Variants in CCDC150 observed in about 807,000 individuals in gnomAD.
CCDC150 encodes coiled-coil domain containing 150.
A neutral mutation model predicts 156.5 loss-of-function variants in CCDC150; 151 were observed. That is an observed-to-expected ratio of 0.97 (90% CI 0.85 to 1.10). The LOEUF (loss-of-function observed/expected upper bound fraction) is 1.10. CCDC150 is among the 50% of genes least tolerant of loss of function. The probability of loss-of-function intolerance (pLI) is 0.00; values close to 1 mark genes in which losing one functional copy is unlikely to be tolerated. For synonymous variants in CCDC150, 452 were observed against 429.4 expected (o/e 1.05, Z -0.65); for missense variants, 1,312 against 1,268.1 (o/e 1.03, Z -0.53).
chr2:196,710,700 G>A (rs1279784671), intron 15 of CCDC150, among the ~76,000 whole-genome samples: 2 of 152,192 alleles, frequency 1.3e-5, no homozygotes, highest in African/African-American at 2.4e-5. Context: ...AGTTACATGT[G>A]TTAACATGGA....
At chr2:196,667,064 CCTTATTTG>C (rs1693891497) in intron 7 of CCDC150, 1 of 549,094 alleles carries the variant, frequency 1.8e-6, no homozygotes, top group East Asian at 3.0e-5. Context: ...GTAAACTATT[CCTTATTTG>C]TTTTTTTCCA....
chr2:196,648,168 C>G (rs1156381738), intron 2 of CCDC150, among the ~76,000 whole-genome samples: 1 of 152,136 alleles, frequency 6.6e-6, no homozygotes, highest in Non-Finnish European at 1.5e-5. Context: ...AGTGGGATTG[C>G]TGGATCCTAT....
chr2:196,640,348 A>G (rs1182244790), intron 1 of CCDC150, among the ~76,000 whole-genome samples: 1 of 152,206 alleles, frequency 6.6e-6, no homozygotes, highest in Non-Finnish European at 1.5e-5. Context: ...AGAAGTTCGT[A>G]TTAGTCCGTC....
chr2:196,715,763 G>C (rs1697457009), intron 17 of CCDC150, among the ~76,000 whole-genome samples: 1 of 152,064 alleles, frequency 6.6e-6, no homozygotes, highest in African/African-American at 2.4e-5. Context: ...ACTTTTAGAA[G>C]AAAACATAGG....
chr2:196,660,224 T>C lies in CCDC150; in HGVS notation c.645+1364T>C, dbSNP rs112188294. Among the ~76,000 whole-genome samples, 6 of 152,350 alleles carry C rather than the reference T, an allele frequency of 3.9e-5. No individual in the cohort carries two copies. The South Asian group carries it at 8.3e-4, about 21-fold the overall frequency. On this transcript the variant is annotated intron_variant, in intron 5 of 27. Transcript: ENST00000389175. ...ATCCATTCACCTATTGAAGGACATA[T>C]TGGTTGCTTCCAATTTTTGGCAATT...
At position 196,730,043 on chromosome 2, in the gene CCDC150, A is replaced by G. The variant is rs753631821; in HGVS notation, c.2907A>G (p.Ser969=). The change falls in exon 25 of 28, where the codon TCA becomes TCG. Residue 969 remains serine (S), a synonymous_variant. Coordinates refer to ENST00000389175, the MANE Select transcript of CCDC150 (RefSeq NM_001080539.2). ...QMLAKSQYDA[S]VRNKQQELHL... is the part of the protein sequence containing the mutation. ...TGGCTAAGAGCCAATATGATGCCTC[A>G]GTGCGGAATAAACAGCAAGAGCTGC... 32 of 1,613,770 alleles carry G rather than the reference A, an allele frequency of 2.0e-5. No individual in the cohort carries two copies. The South Asian group carries it at 3.4e-4, about 17-fold the overall frequency.
intron 21 of CCDC150, among the ~76,000 whole-genome samples, chr2:196,722,039 G>C (rs1160002325): frequency 6.6e-6 from 1 of 152,140 alleles, no homozygotes; most frequent in South Asian, 2.1e-4. Flanking sequence ...TTTAAAGGCA[G>C]ATTTAGACAA....
chr2:196,719,958 A>T (rs1436148894), intron 19 of CCDC150, among the ~76,000 whole-genome samples: 1 of 152,184 alleles, frequency 6.6e-6, no homozygotes, highest in Non-Finnish European at 1.5e-5. Flanking sequence ...GCACCATGTA[A>T]ACCTAATTCT....
At chr2:196,672,289 G>C (rs959391811) in intron 8 of CCDC150, 56 bp from the exon 9 acceptor site, 1 of 784,652 alleles carries the variant, frequency 1.3e-6, no homozygotes, top group African/African-American at 1.8e-5. Context: ...TATTTTTATA[G>C]GGGTGCACAT....
At chr2:196,697,314 G>C (rs1218171108) in intron 14 of CCDC150, among the ~76,000 whole-genome samples, 1 of 151,394 alleles carries the variant, frequency 6.6e-6, no homozygotes, top group African/African-American at 2.4e-5. Flanking sequence ...TTTTGTTGTT[G>C]TTGTTTTTTG....
chr2:196,644,114 A>T (rs1353752174), intron 1 of CCDC150, among the ~76,000 whole-genome samples: 4 of 152,112 alleles, frequency 2.6e-5, no homozygotes, highest in African/African-American at 9.7e-5. Flanking sequence ...TTTAATCTAG[A>T]AAAACAAAAG....
intron 13 of CCDC150, among the ~76,000 whole-genome samples, chr2:196,687,598 T>C (rs540966785): frequency 2.6e-4 from 40 of 152,310 alleles, no homozygotes; most frequent in African/African-American, 9.6e-4. Context: ...AGCTCTTTAG[T>C]TTAATTAGAT....
Position 196,729,962 on chromosome 2 carries a change from G to T in CCDC150, c.2826G>T (p.Leu942Phe). 6.2e-7 allele frequency: 1 copy of T among 1,611,766 alleles called. No individual in the cohort carries two copies. The highest frequency in any genetic ancestry group is 8.5e-7 in the Non-Finnish European group (1 of 1,179,170). ...QYQKKNYEQS[L>F]SIQRFVCEMT... is the part of the protein sequence containing the mutation. ...CTGTCTTTGTATCCTTCCAGTCTTT[G>T]AGTATCCAGAGATTTGTGTGTGAAA... The change falls in exon 25 of 28, where the codon TTG (leucine) becomes TTT (phenylalanine). Residue 942 changes from leucine to phenylalanine, a missense_variant. Physicochemically the swap from Leu to Phe is conservative, Grantham distance 22. Transcript: ENST00000389175.
chr2:196,713,430 T>A (rs1167341310), intron 17 of CCDC150: 1 of 1,550,052 alleles, frequency 6.5e-7, no homozygotes, highest in South Asian at 1.2e-5. Flanking sequence ...AGGTCCCATG[T>A]AAACAGTATA....
chr2:196,706,162 T>C (rs1696619131), intron 15 of CCDC150, among the ~76,000 whole-genome samples: 2 of 152,156 alleles, frequency 1.3e-5, no homozygotes, highest in Admixed American at 6.5e-5. Context: ...AGAACAAATA[T>C]TCTTCCATTT....
chr2:196,729,680 G>T (rs546420269), intron 23 of CCDC150, 113 bp from the exon 24 acceptor site: 56 of 762,262 alleles, frequency 7.3e-5, no homozygotes, highest in African/African-American at 4.9e-4. Flanking sequence ...AGCTCAGCAG[G>T]AACTGGTAAC....
rs374122238 is a variant in CCDC150 at position 196,652,406 on chromosome 2, G to A, written c.177-4227G>A. Among the ~76,000 whole-genome samples the A allele has an allele frequency of 8.5e-5, 13 of 152,310 alleles. No homozygotes were observed. In the East Asian group the frequency reaches 1.2e-3, roughly 14 times the overall value. On this transcript the variant is annotated intron_variant, in intron 2 of 27. Coordinates refer to ENST00000389175, the MANE Select transcript of CCDC150 (RefSeq NM_001080539.2). Reference sequence around the variant, plus strand: ...TTCCCATTCCTAAAGGAAGAAATTGGCTAAAAGAAAGGAGCAATGGGTCCC... The same window carrying A: ...TTCCCATTCCTAAAGGAAGAAATTGACTAAAAGAAAGGAGCAATGGGTCCC...
rs1252839828 is a variant in CCDC150, at chr2:196,646,266, T to G, written c.13-75T>G. 1.3e-5 allele frequency: 18 copies of G among 1,384,542 alleles called. No homozygotes were observed. The South Asian group carries it at 1.8e-4, about 14-fold the overall frequency. 85.8% of individuals were successfully genotyped at this position (1,384,542 alleles called of 1,614,324 possible). A position where few individuals can be genotyped will look rare whatever the true frequency, so the allele number is the denominator to read the frequency against. On this transcript the variant is annotated intron_variant, in intron 1 of 27. Transcript: ENST00000389175. The stretch of plus-strand genomic sequence containing the variant: ...TCAACAGGACAGTGATGCCTAATCC[T>G]GGCACAGGAATGGCAGTGACTATTT...
intron 13 of CCDC150, among the ~76,000 whole-genome samples, chr2:196,678,660 T>C (rs558366595): frequency 6.6e-6 from 1 of 152,166 alleles, no homozygotes; most frequent in Admixed American, 6.5e-5. Flanking sequence ...CCCAGCACGT[T>C]GGGAGGCTGA....
Sources: allele counts gnomAD v4.1 joint callset (sites outside exome capture counted in the v4.1 genomes callset), GRCh38; gene constraint gnomAD v4.1.1; transcripts MANE v1.5; gene names NCBI Gene and HGNC (gene_info 2026-07-23, HGNC 2026-07-21).